LGI1: variants seen among roughly 807,000 people sequenced by gnomAD.
LGI1 encodes leucine rich glioma inactivated 1, also known as leucine-rich glioma-inactivated protein 1.
Under a neutral mutation model 57.7 loss-of-function variants are expected in LGI1, and 11 were observed. The observed-to-expected ratio is 0.19, with a 90% CI of 0.12 to 0.32. LGI1 has a LOEUF of 0.32. Ranked by LOEUF, LGI1 falls within the 10% of genes least tolerant of loss-of-function variation. The probability of loss-of-function intolerance (pLI) is 1.00; values close to 1 mark genes in which losing one functional copy is unlikely to be tolerated. For synonymous variants in LGI1, 222 were observed against 241.9 expected (o/e 0.92, Z 0.76); for missense variants, 422 against 661.9 (o/e 0.64, Z 3.98).
intron 4 of LGI1, 145 bp from the exon 5 acceptor site, chr10:93,789,954 T>G: frequency 1.4e-6 from 1 of 709,472 alleles, no homozygotes; most frequent in South Asian, 1.8e-5. Flanking sequence ...GGAATCTGAG[T>G]AGTAGTTCAG....
chr10:93,792,303 T>A, intron 5 of LGI1: 1 of 171,416 alleles, frequency 5.8e-6, no homozygotes, highest in Non-Finnish European at 1.3e-5. Context: ...AAAAAAGGAA[T>A]GTAAAATATC....
rs757480776 is a variant in LGI1 at position 93,797,252 on chromosome 10, G to A, written c.1123G>A (p.Ala375Thr). 3.1e-6 allele frequency: 5 copies of A among 1,614,104 alleles called. No homozygotes were observed. Among genetic ancestry groups the A allele is most frequent in the East Asian group, 2.2e-5 (1 of 44,880 alleles). ...ATTCTACTCCCATCAATCCTTACAC[G>A]CGTGGTACAGGGACACTGATGTGGA... ...NGFYSHQSLH[A>T]WYRDTDVEYL... Residue 375 changes from alanine (A) to threonine (T), a missense_variant, in exon 8 of 8, where the codon GCG becomes ACG. Ala to Thr is a moderately conservative substitution (Grantham distance 58). Transcript: ENST00000371418. The surrounding 1 kb of genome is among the most constrained non-coding windows in gnomAD (Gnocchi z 6.5).
chr10:93,785,009 TA>T (rs1238192188), intron 4 of LGI1, among the ~76,000 whole-genome samples: 1 of 152,182 alleles, frequency 6.6e-6, no homozygotes. Context: ...TCTCCTTTTT[TA>T]AAAAAATAAT....
At chr10:93,794,605 T>C (rs533694953) in intron 7 of LGI1, 1 of 152,320 alleles carries the variant, frequency 6.6e-6, no homozygotes, top group South Asian at 2.1e-4. Flanking sequence ...CCTCAAGTGA[T>C]CCACCCGCCT....
intron 2 of LGI1, chr10:93,763,591 ACT>A (rs1463942522): frequency 1.3e-5 from 2 of 151,984 alleles, no homozygotes; most frequent in African/African-American, 4.8e-5. Context: ...TCATGTTCAC[ACT>A]CTTTCTGATG....
chr10:93,768,184 C>T (rs2059698731), intron 2 of LGI1: 1 of 151,570 alleles, frequency 6.6e-6, no homozygotes, highest in Non-Finnish European at 1.5e-5. Flanking sequence ...CCAGGGAATA[C>T]ACTCTGGGAA....
In LGI1 at chr10:93,797,259, A is replaced by C. The variant is rs2059988873; in HGVS notation, c.1130A>C (p.Tyr377Ser). The C allele has an allele frequency of 6.2e-7, 1 of 1,614,216 alleles. No individual in the cohort carries two copies. The highest frequency in any genetic ancestry group is 8.5e-7 in the Non-Finnish European group (1 of 1,180,042). ...FYSHQSLHAW[Y>S]RDTDVEYLEI... is the part of the protein sequence containing the mutation. ...TCCCATCAATCCTTACACGCGTGGT[A>C]CAGGGACACTGATGTGGAATATCTA... Residue 377 changes from tyrosine (Y) to serine (S), a missense_variant, in exon 8 of 8, where the codon TAC becomes TCC. Physicochemically the swap from Tyr to Ser is moderately radical, Grantham distance 144 (BLOSUM62 -2). This residue lies in a region of LGI1 where 301 missense variants were observed against 461.7 expected (regional missense o/e 0.65). Transcript: ENST00000371418. This position sits in a 1 kb window ranked among gnomAD's most constrained non-coding sequence, Gnocchi z 6.5.
chr10:93,777,926 G>A (rs1589762378), intron 4 of LGI1, among the ~76,000 whole-genome samples: 1 of 152,266 alleles, frequency 6.6e-6, no homozygotes, highest in African/African-American at 2.4e-5. Flanking sequence ...ATTATGAGTT[G>A]ACTGTATAAT....
intron 4 of LGI1, chr10:93,782,783 A>C (rs1450880900): frequency 6.6e-6 from 1 of 152,230 alleles, no homozygotes; most frequent in Non-Finnish European, 1.5e-5. Flanking sequence ...TCTGCATTGC[A>C]GGGGGGCTGG....
intron 5 of LGI1, chr10:93,790,621 G>T (rs1027557086): frequency 6.2e-6 from 1 of 160,718 alleles, no homozygotes; most frequent in Non-Finnish European, 1.4e-5. Flanking sequence ...AGTGGGGGAA[G>T]GGAGAAAAGT....
At chr10:93,790,776 G>C (rs532323595) in intron 5 of LGI1, 2 of 152,610 alleles carry the variant, frequency 1.3e-5, no homozygotes, top group South Asian at 4.1e-4. Flanking sequence ...TTAAGCCTCC[G>C]AGTGAAAGAT....
intron 4 of LGI1, among the ~76,000 whole-genome samples, chr10:93,785,829 A>G (rs1238977977): frequency 3.0e-5 from 1 of 33,826 alleles, no homozygotes; most frequent in African/African-American, 3.8e-5. Context: ...ACAAAGTGCT[A>G]TCTCAGTCTC....
intron 2 of LGI1, chr10:93,777,008 A>G: frequency 3.3e-6 from 1 of 306,212 alleles, no homozygotes; most frequent in Non-Finnish European, 6.2e-6. Flanking sequence ...TTTGCCAGTT[A>G]GAACACTCCA....
Position 93,758,806 on chromosome 10 carries a change from T to C in LGI1, c.262T>C (p.Leu88=). The change falls in exon 2 of 8, where the codon TTA becomes CTA. Residue 88 remains leucine (L), a synonymous_variant. Transcript: ENST00000371418. This position sits in a 1 kb window ranked among gnomAD's most constrained non-coding sequence, Gnocchi z 4.7. The part of the protein sequence containing the change: ...GFTEISEGSF[L]FTPSLQLLLF... Reference sequence around the variant, plus strand: ...TACTGAAATCTCAGAAGGGAGTTTTTTATTCACGCCATCGCTGCAGCTCTT... The same window carrying C: ...TACTGAAATCTCAGAAGGGAGTTTTCTATTCACGCCATCGCTGCAGCTCTT... 6.2e-7 allele frequency: 1 copy of C among 1,613,160 alleles called. No individual in the cohort carries two copies. The highest frequency in any genetic ancestry group is 8.5e-7 in the Non-Finnish European group (1 of 1,179,350).
chr10:93,782,860 G>A (rs2134008798), intron 4 of LGI1: 1 of 152,336 alleles, frequency 6.6e-6, no homozygotes, highest in East Asian at 1.9e-4. Flanking sequence ...AAACAAACGC[G>A]GTGTTTGAGC....
intron 7 of LGI1, chr10:93,794,045 G>C (rs562287762): frequency 8.9e-6 from 1 of 112,864 alleles, no homozygotes; most frequent in East Asian, 2.7e-4. Context: ...TTGAGACAGA[G>C]TCTCGCTCTG....
At chr10:93,770,765 T>A (rs1475877853) in intron 2 of LGI1, 1 of 152,086 alleles carries the variant, frequency 6.6e-6, no homozygotes, top group African/African-American at 2.4e-5. Context: ...AGAGCAATAT[T>A]AATAATGAAA....
chr10:93,792,899 T>G lies in LGI1; in HGVS notation c.660T>G (p.Asp220Glu), dbSNP rs374811675. Residue 220 changes from aspartate to glutamate, a missense_variant, in exon 6 of 8, where the codon GAT (aspartate) becomes GAG (glutamate). Transcript: ENST00000371418. ...KINSLSSKDF[D>E]CIITEFAKSQ... is the part of the protein sequence containing the mutation. ...ATAGTCTCTCCTCGAAGGATTTTGA[T>G]TGCATCATTACAGGTAATGTACTCA... 1 of 1,613,976 alleles carries G rather than the reference T, an allele frequency of 6.2e-7. No individual in the cohort carries two copies. Among genetic ancestry groups the G allele is most frequent in the East Asian group, 2.2e-5 (1 of 44,866 alleles).
At chr10:93,768,222 C>G (rs1259211805) in intron 2 of LGI1, 1 of 152,130 alleles carries the variant, frequency 6.6e-6, no homozygotes, top group African/African-American at 2.4e-5. Context: ...TGCAGGTTTG[C>G]AGCAGATACT....
Sources: gnomAD v4.1 joint callset for allele counts (sites outside exome capture counted in the v4.1 genomes callset) on GRCh38, gnomAD v4.1.1 for gene constraint, gnomAD v4.1.1 regional missense constraint, Gnocchi (gnomAD v3.1) non-coding constraint, MANE v1.5 for transcripts, NCBI Gene and HGNC (gene_info 2026-07-23, HGNC 2026-07-21) for gene names.